Variants in KCTD16 observed in about 807,000 individuals in gnomAD.
KCTD16 encodes BTB/POZ domain-containing protein KCTD16.
KCTD16 carries 13 observed loss-of-function variants against 33.2 expected under a neutral mutation model. The ratio of observed to expected loss-of-function variants is 0.39; its 90% CI spans 0.25 to 0.62. KCTD16 has a LOEUF of 0.62. Among genes scored for constraint, KCTD16 ranks in the 20% least tolerant of loss-of-function variants. The pLI is 0.50. For synonymous variants in KCTD16, 197 were observed against 195.3 expected (o/e 1.01, Z -0.07); for missense variants, 441 against 525.1 (o/e 0.84, Z 1.57).
intron 3 of KCTD16, among the ~76,000 whole-genome samples, chr5:144,252,407 C>T (rs73792350): frequency 6.6e-6 from 1 of 152,228 alleles, no homozygotes; most frequent in African/African-American, 2.4e-5. Flanking sequence ...TTTCAATCTG[C>T]CATTATTAAT....
chr5:144,202,277 G>C (rs1313727988), intron 2 of KCTD16, among the ~76,000 whole-genome samples: 1 of 152,166 alleles, frequency 6.6e-6, no homozygotes, highest in Non-Finnish European at 1.5e-5. Flanking sequence ...CGAAGGCTAG[G>C]AATACACTTA....
At chr5:144,329,739 G>A (rs574450024) in intron 3 of KCTD16, among the ~76,000 whole-genome samples, 23 of 152,290 alleles carry the variant, frequency 1.5e-4, no homozygotes, top group African/African-American at 5.5e-4. Context: ...CAAACAAACA[G>A]AAACACAAGT....
chr5:144,320,680 A>T (rs1752047035), intron 3 of KCTD16, among the ~76,000 whole-genome samples: 1 of 151,922 alleles, frequency 6.6e-6, no homozygotes. Context: ...GTGATAGGAC[A>T]TGAGTGTTAT....
At chr5:144,172,573 C>T (rs1490119704) in intron 1 of KCTD16, among the ~76,000 whole-genome samples, 1 of 152,194 alleles carries the variant, frequency 6.6e-6, no homozygotes, top group African/African-American at 2.4e-5. Flanking sequence ...CACCTTTCAT[C>T]AATCATTTTA....
At chr5:144,402,314 C>T (rs1461406927) in intron 3 of KCTD16, among the ~76,000 whole-genome samples, 1 of 152,156 alleles carries the variant, frequency 6.6e-6, no homozygotes, top group Admixed American at 6.5e-5. Context: ...CCTTCCCCAC[C>T]TCTCCTTAGG....
At chr5:144,432,583 C>T (rs1464677618) in intron 3 of KCTD16, among the ~76,000 whole-genome samples, 1 of 152,014 alleles carries the variant, frequency 6.6e-6, no homozygotes, top group East Asian at 1.9e-4. Context: ...GACTGAATGA[C>T]TTATATTGGA....
At chr5:144,377,588 G>T (rs1041793202) in intron 3 of KCTD16, among the ~76,000 whole-genome samples, 2 of 152,156 alleles carry the variant, frequency 1.3e-5, no homozygotes, top group African/African-American at 4.8e-5. Context: ...TACCCAATCT[G>T]CTACATACAT....
intron 3 of KCTD16, among the ~76,000 whole-genome samples, chr5:144,282,752 A>G (rs1755640857): frequency 6.6e-6 from 1 of 152,194 alleles, no homozygotes; most frequent in Non-Finnish European, 1.5e-5. Context: ...TATGTAGCCC[A>G]GTCTTATGAC....
intron 3 of KCTD16, among the ~76,000 whole-genome samples, chr5:144,287,819 A>G (rs988350837): frequency 6.6e-6 from 1 of 151,926 alleles, no homozygotes; most frequent in Admixed American, 6.6e-5. Flanking sequence ...TATTTTTAGT[A>G]GAGTCGAGGT....
chr5:144,194,705 A>C (rs1752909085), intron 2 of KCTD16, among the ~76,000 whole-genome samples: 1 of 152,214 alleles, frequency 6.6e-6, no homozygotes, highest in South Asian at 2.1e-4. Context: ...CCTGTTGTAC[A>C]GATGAGAAAA....
At chr5:144,405,494 T>A (rs777554218) in intron 3 of KCTD16, among the ~76,000 whole-genome samples, 1 of 152,228 alleles carries the variant, frequency 6.6e-6, no homozygotes, top group Admixed American at 6.5e-5. Flanking sequence ...GATGGAGACC[T>A]GCCAGTAACT....
chr5:144,203,002 C>A (rs190317593), intron 2 of KCTD16, among the ~76,000 whole-genome samples: 6 of 152,130 alleles, frequency 3.9e-5, no homozygotes, highest in Admixed American at 2.0e-4. Context: ...CTCAGCCTTT[C>A]CTGAGAGGTT....
chr5:144,357,132 A>G (rs1751588752), intron 3 of KCTD16, among the ~76,000 whole-genome samples: 1 of 139,738 alleles, frequency 7.2e-6, no homozygotes, highest in African/African-American at 2.5e-5. Context: ...TTATACTCTT[A>G]TAGGTTGCCA....
At chr5:144,246,349 C>A (rs1754548883) in intron 3 of KCTD16, among the ~76,000 whole-genome samples, 2 of 152,046 alleles carry the variant, frequency 1.3e-5, no homozygotes, top group Admixed American at 1.3e-4. Flanking sequence ...TAAATGGTGG[C>A]TATTTTGCAG....
chr5:144,352,772 A>G (rs1451680908), intron 3 of KCTD16, among the ~76,000 whole-genome samples: 4 of 152,218 alleles, frequency 2.6e-5, no homozygotes, highest in Non-Finnish European at 4.4e-5. Flanking sequence ...ATGTGAAGTC[A>G]GAACATTGAG....
intron 3 of KCTD16, among the ~76,000 whole-genome samples, chr5:144,303,398 G>T (rs1751498274): frequency 6.6e-6 from 1 of 152,120 alleles, no homozygotes; most frequent in Admixed American, 6.5e-5. Flanking sequence ...ATTTGTTAAA[G>T]ATCAAGTACA....
chr5:144,214,948 G>T (rs989995596), intron 3 of KCTD16, among the ~76,000 whole-genome samples: 7 of 152,088 alleles, frequency 4.6e-5, no homozygotes, highest in African/African-American at 1.7e-4. Flanking sequence ...TCTTTAGAAT[G>T]CATTTTTAAA....
intron 3 of KCTD16, among the ~76,000 whole-genome samples, chr5:144,411,080 A>G (rs1363003383): frequency 6.6e-6 from 1 of 152,236 alleles, no homozygotes; most frequent in East Asian, 1.9e-4. Flanking sequence ...ATGATTAAAA[A>G]GATTAATATT....
chr5:144,245,006 T>A (rs1274487506), intron 3 of KCTD16, among the ~76,000 whole-genome samples: 1 of 152,224 alleles, frequency 6.6e-6, no homozygotes, highest in African/African-American at 2.4e-5. Flanking sequence ...GCTCCAGATA[T>A]GAGAAGACAA....
Sources: allele counts gnomAD v4.1 joint callset (sites outside exome capture counted in the v4.1 genomes callset), GRCh38; gene constraint gnomAD v4.1.1; transcripts MANE v1.5; gene names NCBI Gene and HGNC (gene_info 2026-07-23, HGNC 2026-07-21).